GABBR2: variants seen among roughly 807,000 people sequenced by gnomAD.
GABBR2 encodes G-protein coupled receptor 51.
In GABBR2, 23 loss-of-function variants were observed where a neutral mutation model predicts 105.6. The observed-to-expected ratio is 0.22, with a 90% CI of 0.16 to 0.31. GABBR2 has a LOEUF of 0.31. Ranked by LOEUF, GABBR2 falls within the 10% of genes least tolerant of loss-of-function variation. The probability of loss-of-function intolerance (pLI) is 1.00; values close to 1 mark genes in which losing one functional copy is unlikely to be tolerated. For missense variants in GABBR2, 734 were observed against 1,245.5 expected, an observed-to-expected ratio of 0.59 and a Z score of 6.18; for synonymous variants, 478 against 499.7, an observed-to-expected ratio of 0.96 and a Z score of 0.58.
intron 13 of GABBR2, among the ~76,000 whole-genome samples, chr9:98,331,929 A>G (rs941962157): frequency 6.6e-6 from 1 of 152,190 alleles, no homozygotes; most frequent in African/African-American, 2.4e-5. Context: ...GACAATACAC[A>G]TGGACAAAAA....
chr9:98,607,961 G>C, intron 1 of GABBR2: 1 of 1,319,954 alleles, frequency 7.6e-7, no homozygotes, highest in Non-Finnish European at 1.1e-6. Flanking sequence ...CTGAGCTCCA[G>C]CGGCACCATG....
At chr9:98,630,690 C>G (rs1179807185) in intron 1 of GABBR2, among the ~76,000 whole-genome samples, 1 of 152,044 alleles carries the variant, frequency 6.6e-6, no homozygotes, top group Non-Finnish European at 1.5e-5. Flanking sequence ...AATTTTCAAG[C>G]CAGCAAAGAC....
At position 98,571,546 on chromosome 9, in the gene GABBR2, G is replaced by T. The variant is rs118005952; in HGVS notation, c.459+6389C>A. Among the ~76,000 whole-genome samples, 381 of 152,252 alleles carry T rather than the reference G, an allele frequency of 2.5e-3. 1 individual carries two copies. The highest frequency in any genetic ancestry group is 4.3e-3 in the Non-Finnish European group (294 of 68,012). On this transcript the variant is annotated intron_variant, in intron 2 of 18. Coordinates refer to ENST00000259455, the MANE Select transcript of GABBR2 (RefSeq NM_005458.8). ...AAATGGCTGTGGTTTTGATCAGCGG[G>T]GAATACAGTCCTAGAGGGATCTGAT...
intron 13 of GABBR2, among the ~76,000 whole-genome samples, chr9:98,331,059 C>T (rs1268412560): frequency 1.3e-5 from 2 of 152,142 alleles, no homozygotes; most frequent in Non-Finnish European, 2.9e-5. Context: ...GGTTCATCAA[C>T]GTTGTAGCAT....
chr9:98,703,850 T>C (rs1019270988), intron 1 of GABBR2, among the ~76,000 whole-genome samples: 3 of 151,754 alleles, frequency 2.0e-5, no homozygotes, highest in Admixed American at 2.0e-4. Context: ...TAAAAATTTA[T>C]ATTTTATTGT....
chr9:98,474,454 G>T (rs1826747920), intron 5 of GABBR2, among the ~76,000 whole-genome samples: 1 of 152,154 alleles, frequency 6.6e-6, no homozygotes, highest in Admixed American at 6.5e-5. Context: ...GTTTCTAAGT[G>T]GTGGTCATGT....
intron 6 of GABBR2, among the ~76,000 whole-genome samples, chr9:98,455,071 T>C (rs1826302326): frequency 6.6e-6 from 1 of 152,144 alleles, no homozygotes. Flanking sequence ...GCCCAGTTGC[T>C]CAGGTGTCAG....
At chr9:98,606,953 G>A (rs530868732) in intron 1 of GABBR2, 12 of 730,448 alleles carry the variant, frequency 1.6e-5, no homozygotes, top group South Asian at 7.3e-5. Context: ...GCTTGCCCGC[G>A]GCTCCGCCTG....
intron 2 of GABBR2, chr9:98,555,580 T>C (rs1430568942): frequency 6.6e-6 from 1 of 152,220 alleles, no homozygotes; most frequent in Non-Finnish European, 1.5e-5. Context: ...CACTTGGCTT[T>C]CAGCTGATGT....
chr9:98,564,193 T>G (rs1386289151), intron 2 of GABBR2, among the ~76,000 whole-genome samples: 2 of 152,054 alleles, frequency 1.3e-5, no homozygotes, highest in Non-Finnish European at 2.9e-5. Context: ...GGCAGGAAGT[T>G]CCTCGCCAAC....
At chr9:98,631,968 A>C (rs1829820865) in intron 1 of GABBR2, among the ~76,000 whole-genome samples, 1 of 152,262 alleles carries the variant, frequency 6.6e-6, no homozygotes, top group Non-Finnish European at 1.5e-5. Context: ...AAGCTGAATT[A>C]GCCTGGACAA....
At chr9:98,459,117 A>C (rs1826378329) in intron 6 of GABBR2, among the ~76,000 whole-genome samples, 2 of 152,170 alleles carry the variant, frequency 1.3e-5, no homozygotes, top group African/African-American at 4.8e-5. Context: ...TATACACAAC[A>C]GCCCCTCAAA....
intron 8 of GABBR2, among the ~76,000 whole-genome samples, chr9:98,398,916 C>T (rs1345113586): frequency 2.6e-5 from 4 of 152,174 alleles, no homozygotes; most frequent in Non-Finnish European, 5.9e-5. Flanking sequence ...CAGTAACTGC[C>T]AGGGGTAGAT....
At chr9:98,438,417 A>C (rs57780167) in intron 7 of GABBR2, among the ~76,000 whole-genome samples, 8,016 of 152,232 alleles carry the variant, frequency 0.053, 426 homozygotes, top group African/African-American at 0.14. Flanking sequence ...GAGACATTCA[A>C]GAAGTAGGGG....
intron 1 of GABBR2, among the ~76,000 whole-genome samples, chr9:98,676,444 T>A (rs1419005439): frequency 6.6e-6 from 1 of 152,254 alleles, no homozygotes; most frequent in East Asian, 1.9e-4. Context: ...CACACCATTA[T>A]CTAGCTAGAG....
chr9:98,633,716 G>A (rs1016835945), intron 1 of GABBR2, among the ~76,000 whole-genome samples: 10 of 151,974 alleles, frequency 6.6e-5, no homozygotes, highest in African/African-American at 2.4e-4. Flanking sequence ...AATGCAAGTC[G>A]GACCCCAACT....
intron 6 of GABBR2, among the ~76,000 whole-genome samples, chr9:98,464,243 G>A (rs1284398516): frequency 1.3e-5 from 2 of 151,398 alleles, no homozygotes; most frequent in Non-Finnish European, 2.9e-5. Flanking sequence ...CCTCTGCCTG[G>A]CCGCCCCGTC....
chr9:98,432,798 G>C (rs1404232966), intron 7 of GABBR2, among the ~76,000 whole-genome samples: 2 of 152,144 alleles, frequency 1.3e-5, no homozygotes, highest in African/African-American at 4.8e-5. Context: ...TTGAGGCACA[G>C]AACTCAGCCC....
chr9:98,685,998 C>T (rs1588283134), intron 1 of GABBR2, among the ~76,000 whole-genome samples: 1 of 152,262 alleles, frequency 6.6e-6, no homozygotes, highest in Admixed American at 6.5e-5. Context: ...CTTGACTAAA[C>T]TTTAGTCAGG....
Sources: allele counts gnomAD v4.1 joint callset (sites outside exome capture counted in the v4.1 genomes callset), GRCh38; gene constraint gnomAD v4.1.1; transcripts MANE v1.5; gene names NCBI Gene and HGNC (gene_info 2026-07-23, HGNC 2026-07-21).